The following HOXC8 variants were observed in gnomAD, a reference collection of about 807,000 sequenced individuals.
The protein encoded by HOXC8 is homeobox protein Hox-C8.
HOXC8 carries 14 observed loss-of-function variants against 25.8 expected under a neutral mutation model. That is an observed-to-expected ratio of 0.54 (90% confidence interval 0.36 to 0.85). The LOEUF (loss-of-function observed/expected upper bound fraction) is 0.85, where lower values mean the gene tolerates loss of function less well. HOXC8 is among the 40% of genes least tolerant of loss of function. The probability of loss-of-function intolerance (pLI) is 0.01; values close to 1 mark genes in which losing one functional copy is unlikely to be tolerated. For synonymous variants in HOXC8, 144 were observed against 124.6 expected, an observed-to-expected ratio of 1.16 and a Z score of -1.04; for missense variants, 316 against 308.8, an observed-to-expected ratio of 1.02 and a Z score of -0.17.
chr12:54,010,013 C>G (rs1939949422), intron 1 of HOXC8, among the ~76,000 whole-genome samples: 1 of 152,232 alleles, frequency 6.6e-6, no homozygotes. Context: ...CTGTCTCTCT[C>G]TGACTCTCCC....
At position 54,011,342 on chromosome 12, in the gene HOXC8, G is replaced by A. The variant is rs759122487; in HGVS notation, c.690G>A (p.Glu230=). 22 of 1,493,722 alleles carry A rather than the reference G, an allele frequency of 1.5e-5. No homozygotes were observed. Among genetic ancestry groups the A allele is most frequent in the Admixed American group, 2.3e-5 (1 of 43,346 alleles). The allele number at this position is 1,493,722 out of a possible 1,614,324, so 92.5% of individuals were successfully genotyped here. Residue 230 remains glutamate, a synonymous_variant, in exon 2 of 2, where the codon GAG becomes GAA. Transcript: ENST00000040584. ...TGGAGGAAGAAGGAAATGAGGAAGA[G>A]GAGAAAGAAGAGGAGGAAAAGGAAG... is the stretch of plus-strand genomic sequence containing the variant. The part of the protein sequence containing the change: ...EKVEEEGNEE[E]EKEEEEKEEN...
rs770599392 is a variant in HOXC8, at chr12:54,009,259, G to A, written c.-26G>A. The A allele has an allele frequency of 2.6e-6, 4 of 1,542,752 alleles. No individual in the cohort carries two copies. The highest frequency in any genetic ancestry group is 2.3e-5 in the East Asian group (1 of 44,122). ...GGGTACTCGTGAGCCAGAGGGGAGG[G>A]GGCCGCGGGTTTTCATGTACCCAGC... On this transcript the variant is annotated 5_prime_UTR_variant, in exon 1 of 2. Transcript: ENST00000040584. This position sits in a 1 kb window ranked among gnomAD's most constrained non-coding sequence, Gnocchi z 5.0.
At position 54,009,346 on chromosome 12, in the gene HOXC8, C is replaced by T. The variant is rs757131401; in HGVS notation, c.62C>T (p.Pro21Leu). 1.9e-6 allele frequency: 3 copies of T among 1,609,952 alleles called. No individual in the cohort carries two copies. The highest frequency in any genetic ancestry group is 2.5e-6 in the Non-Finnish European group (3 of 1,176,652). Reference protein sequence around the residue: ...SKYKAGESLEPAYYDCRFPQS... With the variant: ...SKYKAGESLELAYYDCRFPQS... Reference sequence around the variant, plus strand: ...TACAAAGCCGGCGAGTCCCTGGAACCGGCCTATTACGACTGCCGGTTCCCT... The same window carrying T: ...TACAAAGCCGGCGAGTCCCTGGAACTGGCCTATTACGACTGCCGGTTCCCT... The change falls in exon 1 of 2, where the codon CCG becomes CTG. Residue 21 changes from proline to leucine, a missense_variant. Coordinates refer to ENST00000040584, the MANE Select transcript of HOXC8 (RefSeq NM_022658.4). This position sits in a 1 kb window ranked among gnomAD's most constrained non-coding sequence, Gnocchi z 5.0.
rs1256078712 is a variant in HOXC8, at chr12:54,009,509, C to A, written c.225C>A (p.Asn75Lys). ...SGISNSGYQQ[N>K]PCSLSCHGDA... is the part of the protein sequence containing the mutation. ...TCTCCAACTCAGGCTACCAGCAGAA[C>A]CCGTGCTCGCTTAGCTGCCACGGAG... Residue 75 changes from asparagine to lysine, a missense_variant, in exon 1 of 2, where the codon AAC becomes AAA. Physicochemically the swap from Asn to Lys is moderately conservative, Grantham distance 94 (BLOSUM62 0). Coordinates refer to ENST00000040584, the MANE Select transcript of HOXC8 (RefSeq NM_022658.4). This position sits in a 1 kb window ranked among gnomAD's most constrained non-coding sequence, Gnocchi z 5.0. The A allele has an allele frequency of 6.2e-7, 1 of 1,614,214 alleles. No homozygotes were observed. Among genetic ancestry groups the A allele is most frequent in the African/African-American group, 1.3e-5 (1 of 75,058 alleles).
chr12:54,011,050 C>G (rs1565729802), intron 1 of HOXC8, 39 bp from the exon 2 acceptor site: 1 of 1,464,794 alleles, frequency 6.8e-7, no homozygotes, highest in Non-Finnish European at 9.6e-7. Flanking sequence ...ACCAAGCCCC[C>G]ATCCAAACGT....
Position 54,009,389 on chromosome 12 carries a change from C to T in HOXC8, c.105C>T (p.Ser35=), listed in dbSNP as rs771329259. ...GGTTCCCTCAGAGCGTGGGCAGGAG[C>T]CATGCGCTGGTGTACGGGCCCGGCG... ...DCRFPQSVGR[S]HALVYGPGGS... The change falls in exon 1 of 2, where the codon AGC becomes AGT. Residue 35 remains serine (S), a synonymous_variant. Transcript: ENST00000040584. The surrounding 1 kb of genome is among the most constrained non-coding windows in gnomAD (Gnocchi z 5.0). 1.2e-5 allele frequency: 19 copies of T among 1,614,058 alleles called. No homozygotes were observed. The Middle Eastern group carries it at 2.1e-3, about 182-fold the overall frequency.
At position 54,011,177 on chromosome 12, in the gene HOXC8, A is replaced by T. The variant is rs1478187436; in HGVS notation, c.525A>T (p.Thr175=). ...AGTTTCTCTTTAATCCTTATTTGAC[A>T]CGAAAACGTCGGATTGAAGTCTCTC... ...EKEFLFNPYL[T]RKRRIEVSHA... The change falls in exon 2 of 2, where the codon ACA becomes ACT. Residue 175 remains threonine, a synonymous_variant. Coordinates refer to ENST00000040584, the MANE Select transcript of HOXC8 (RefSeq NM_022658.4). The T allele has an allele frequency of 6.2e-7, 1 of 1,614,128 alleles. No homozygotes were observed. The highest frequency in any genetic ancestry group is 8.5e-7 in the Non-Finnish European group (1 of 1,180,006).
chr12:54,011,052 T>A, intron 1 of HOXC8, 37 bp from the exon 2 acceptor site: 3 of 1,494,686 alleles, frequency 2.0e-6, no homozygotes, highest in African/African-American at 2.8e-5. Context: ...CAAGCCCCCA[T>A]CCAAACGTAA....
At position 54,012,619 on chromosome 12, in the gene HOXC8, T is replaced by G. The variant is rs1270400451; in HGVS notation, c.*1238T>G. Reference sequence around the variant, plus strand: ...CAATGTGCTCGAAAGAAAAAAATGTTAAAAATATATCTATAATAATAATTT... The same window carrying G: ...CAATGTGCTCGAAAGAAAAAAATGTGAAAAATATATCTATAATAATAATTT... On this transcript the variant is annotated 3_prime_UTR_variant, in exon 2 of 2. Coordinates refer to ENST00000040584, the MANE Select transcript of HOXC8 (RefSeq NM_022658.4). 6.6e-6 allele frequency among the ~76,000 whole-genome samples: 1 copy of G among 152,198 alleles called. No individual in the cohort carries two copies. Among genetic ancestry groups the G allele is most frequent in the Non-Finnish European group, 1.5e-5 (1 of 68,042 alleles).
At chr12:54,010,987 G>A (rs1197506818) in intron 1 of HOXC8, 102 bp from the exon 2 acceptor site, 3 of 798,556 alleles carry the variant, frequency 3.8e-6, no homozygotes, top group Non-Finnish European at 6.2e-6. Context: ...GAGGGGAGGC[G>A]AACTGAGGAG....
At chr12:54,011,058 C>A in intron 1 of HOXC8, 31 bp from the exon 2 acceptor site, 1 of 1,533,360 alleles carries the variant, frequency 6.5e-7, no homozygotes, top group Non-Finnish European at 9.0e-7. Context: ...CCCATCCAAA[C>A]GTAACCAGAC....
At chr12:54,010,966 C>T in intron 1 of HOXC8, 123 bp from the exon 2 acceptor site, 1 of 593,636 alleles carries the variant, frequency 1.7e-6, no homozygotes. Flanking sequence ...TCTGCTCTAG[C>T]CTTTTCCATA....
In HOXC8 at chr12:54,011,293, C is replaced by G. The variant is rs780372373; in HGVS notation, c.641C>G (p.Pro214Arg). 2 of 1,564,596 alleles carry G rather than the reference C, an allele frequency of 1.3e-6. No homozygotes were observed. The highest frequency in any genetic ancestry group is 1.7e-6 in the Non-Finnish European group (2 of 1,155,486). Reference sequence around the variant, plus strand: ...AAGGAGAACAACAAGGATAAACTGCCGGGAGCCCGAGATGAGGAGAAGGTG... The same window carrying G: ...AAGGAGAACAACAAGGATAAACTGCGGGGAGCCCGAGATGAGGAGAAGGTG... ...WKKENNKDKL[P>R]GARDEEKVEE... The change falls in exon 2 of 2, where the codon CCG becomes CGG. Residue 214 changes from proline (P) to arginine (R), a missense_variant. Pro to Arg is a moderately radical substitution (Grantham distance 103, BLOSUM62 -2). Transcript: ENST00000040584.
Position 54,009,425 on chromosome 12 carries a change from C to G in HOXC8, c.141C>G (p.Pro47=), listed in dbSNP as rs545875568. 3.1e-6 allele frequency: 5 copies of G among 1,614,084 alleles called. No individual in the cohort carries two copies. In the South Asian group the frequency reaches 3.3e-5, roughly 11 times the overall value. The part of the protein sequence containing the change: ...ALVYGPGGSA[P]GFQHASHHVQ... Reference sequence around the variant, plus strand: ...TGTACGGGCCCGGCGGCTCGGCGCCCGGCTTCCAGCACGCTTCGCACCACG... The same window carrying G: ...TGTACGGGCCCGGCGGCTCGGCGCCGGGCTTCCAGCACGCTTCGCACCACG... The change falls in exon 1 of 2, where the codon CCC becomes CCG. Residue 47 remains proline (P), a synonymous_variant. Transcript: ENST00000040584. The surrounding 1 kb of genome is among the most constrained non-coding windows in gnomAD (Gnocchi z 5.0).
At position 54,009,413 on chromosome 12, in the gene HOXC8, C is replaced by T; in HGVS notation, c.129C>T (p.Gly43=). Residue 43 remains glycine (G), a synonymous_variant, in exon 1 of 2, where the codon GGC becomes GGT. Coordinates refer to ENST00000040584, the MANE Select transcript of HOXC8 (RefSeq NM_022658.4). The surrounding 1 kb of genome is among the most constrained non-coding windows in gnomAD (Gnocchi z 5.0). ...GRSHALVYGP[G]GSAPGFQHAS... is the part of the protein sequence containing the mutation. ...GCCATGCGCTGGTGTACGGGCCCGG[C>T]GGCTCGGCGCCCGGCTTCCAGCACG... The T allele has an allele frequency of 6.2e-7, 1 of 1,614,054 alleles. No homozygotes were observed. Among genetic ancestry groups the T allele is most frequent in the Non-Finnish European group, 8.5e-7 (1 of 1,179,982 alleles).
Position 54,011,354 on chromosome 12 carries a change from G to A in HOXC8, c.702G>A (p.Glu234=). 7.5e-6 allele frequency: 11 copies of A among 1,466,228 alleles called. No individual in the cohort carries two copies. Among genetic ancestry groups the A allele is most frequent in the South Asian group, 4.5e-5 (3 of 66,178 alleles). The allele number at this position is 1,466,228 out of a possible 1,614,324, so 90.8% of individuals were successfully genotyped here. Residue 234 remains glutamate (E), a synonymous_variant, in exon 2 of 2, where the codon GAG becomes GAA. Transcript: ENST00000040584. ...GAAATGAGGAAGAGGAGAAAGAAGAGGAGGAAAAGGAAGAAAACAAGGACT... is the reference window on the plus strand; with the variant it reads ...GAAATGAGGAAGAGGAGAAAGAAGAAGAGGAAAAGGAAGAAAACAAGGACT... ...EEGNEEEEKE[E]EEKEENKD
chr12:54,009,071 G>T lies in HOXC8; in HGVS notation c.-214G>T, dbSNP rs1214687160. 22 of 204,418 alleles carry T rather than the reference G, an allele frequency of 1.1e-4. 1 individual carries two copies. Among genetic ancestry groups the T allele is most frequent in the South Asian group, 3.2e-4 (2 of 6,214 alleles). 12.7% of individuals were successfully genotyped at this position (204,418 alleles called of 1,614,324 possible). The stretch of plus-strand genomic sequence containing the variant: ...CCGCTCGCCGCCCGCCGCCGCCGCC[G>T]CCCGCGCCCCAGCCCCGGGAGCTCT... On this transcript the variant is annotated 5_prime_UTR_variant, in exon 1 of 2. Transcript: ENST00000040584. This position sits in a 1 kb window ranked among gnomAD's most constrained non-coding sequence, Gnocchi z 5.0.
chr12:54,011,301 C>G lies in HOXC8; in HGVS notation c.649C>G (p.Arg217Gly). 6.4e-7 allele frequency: 1 copy of G among 1,552,296 alleles called. No homozygotes were observed. The highest frequency in any genetic ancestry group is 1.2e-5 in the South Asian group (1 of 82,126). Residue 217 changes from arginine (R) to glycine (G), a missense_variant, in exon 2 of 2, where the codon CGA (arginine) becomes GGA (glycine). Transcript: ENST00000040584. ...CAACAAGGATAAACTGCCGGGAGCC[C>G]GAGATGAGGAGAAGGTGGAGGAAGA... The part of the protein sequence containing the change: ...ENNKDKLPGA[R>G]DEEKVEEEGN...
In HOXC8 at chr12:54,011,470, T is replaced by A; in HGVS notation, c.*89T>A. 7.0e-7 allele frequency: 1 copy of A among 1,430,054 alleles called. No homozygotes were observed. 88.6% of individuals were successfully genotyped at this position (1,430,054 alleles called of 1,614,324 possible). On this transcript the variant is annotated 3_prime_UTR_variant, in exon 2 of 2. Transcript: ENST00000040584. The stretch of plus-strand genomic sequence containing the variant: ...TAAATTGAGAAGTTTACGACTGTCA[T>A]TTGCTTTTATAGAGAATAGAATGAC...
Sources: gnomAD v4.1 joint callset for allele counts (sites outside exome capture counted in the v4.1 genomes callset) on GRCh38, gnomAD v4.1.1 for gene constraint, Gnocchi (gnomAD v3.1) non-coding constraint, MANE v1.5 for transcripts, NCBI Gene and HGNC (gene_info 2026-07-23, HGNC 2026-07-21) for gene names.